The following PIK3R3 variants were observed in gnomAD, a reference collection of about 807,000 sequenced individuals.
PIK3R3 encodes the protein phosphatidylinositol 3-kinase regulatory subunit gamma.
A neutral mutation model predicts 62.9 loss-of-function variants in PIK3R3; 64 were observed. That is an observed-to-expected ratio of 1.02 (90% CI 0.83 to 1.25). The LOEUF (loss-of-function observed/expected upper bound fraction) is 1.25, where lower values mean the gene tolerates loss of function less well. Ranked by LOEUF, PIK3R3 falls within the 50% of genes most tolerant of loss-of-function variation. The pLI, the probability that PIK3R3 is intolerant of heterozygous loss-of-function variation, is 0.00. For synonymous variants in PIK3R3, 165 were observed against 189.0 expected (o/e 0.87, Z 1.04); for missense variants, 614 against 561.6 (o/e 1.09, Z -0.94).
At chr1:46,090,866 G>C (rs1416057225) in intron 1 of PIK3R3, among the ~76,000 whole-genome samples, 5 of 152,164 alleles carry the variant, frequency 3.3e-5, no homozygotes, top group African/African-American at 1.2e-4. Context: ...GCCACAGTGG[G>C]AGTATTTATA....
In PIK3R3 at chr1:46,131,846, C is replaced by G; in HGVS notation, c.106+1G>C. 6.2e-7 allele frequency: 1 copy of G among 1,610,678 alleles called. No homozygotes were observed. Among genetic ancestry groups the G allele is most frequent in the Non-Finnish European group, 8.5e-7 (1 of 1,177,406 alleles). Reference sequence around the variant, plus strand: ...ATTCTTTTTTTTTTTCTCCCAAGTACCTGGAGGATCCATTTCAATATAAAA... The same window carrying G: ...ATTCTTTTTTTTTTTCTCCCAAGTAGCTGGAGGATCCATTTCAATATAAAA... On this transcript the variant is annotated splice_donor_variant, in intron 1 of 9. Coordinates refer to ENST00000262741, the MANE Select transcript of PIK3R3 (RefSeq NM_003629.4). LOFTEE classifies it high-confidence loss of function.
At chr1:46,066,800 A>G in intron 4 of PIK3R3, 111 bp downstream of exon 4, 1 of 891,146 alleles carries the variant, frequency 1.1e-6, no homozygotes, top group Non-Finnish European at 1.8e-6. Flanking sequence ...GTAAATAAAT[A>G]AATAACAAAA....
Position 46,082,207 on chromosome 1 carries a change from G to A in PIK3R3, c.107-1457C>T, listed in dbSNP as rs1347834825. On this transcript the variant is annotated intron_variant, in intron 1 of 9. Coordinates refer to ENST00000262741, the MANE Select transcript of PIK3R3 (RefSeq NM_003629.4). The stretch of plus-strand genomic sequence containing the variant: ...GGCCCCAATACAATACACTAAAAAG[G>A]ATGTAACATCACTTCTGTGACATTC... 4.6e-5 allele frequency among the ~76,000 whole-genome samples: 7 copies of A among 152,082 alleles called. No individual in the cohort carries two copies. The East Asian group carries it at 9.6e-4, about 21-fold the overall frequency.
the PIK3R3 span, among the ~76,000 whole-genome samples, chr1:46,168,558 A>G: frequency 6.6e-6 from 1 of 152,222 alleles, no homozygotes; most frequent in Non-Finnish European, 1.5e-5. Flanking sequence ...CAGTGGCTGG[A>G]TTACCCAGCC....
At chr1:46,084,474 G>C (rs1026215023) in intron 1 of PIK3R3, among the ~76,000 whole-genome samples, 1 of 152,066 alleles carries the variant, frequency 6.6e-6, no homozygotes, top group Non-Finnish European at 1.5e-5. Context: ...TACCAGATGG[G>C]GGTGGATTTG....
chr1:46,053,722 T>G (rs1158521752), intron 7 of PIK3R3, among the ~76,000 whole-genome samples: 3 of 152,132 alleles, frequency 2.0e-5, no homozygotes, highest in Non-Finnish European at 4.4e-5. Flanking sequence ...ACTACCCAAT[T>G]TATGATTTTT....
chr1:46,134,263 C>T (rs921712283), upstream of PIK3R3, among the ~76,000 whole-genome samples: 30 of 152,170 alleles, frequency 2.0e-4, no homozygotes, highest in Non-Finnish European at 4.1e-4. Flanking sequence ...AGAGTTGCCA[C>T]GTTTCACCCT....
chr1:46,146,679 C>T, the PIK3R3 span, among the ~76,000 whole-genome samples: 1 of 141,654 alleles, frequency 7.1e-6, no homozygotes, highest in Non-Finnish European at 1.5e-5. Flanking sequence ...CCCCTCCCCT[C>T]CAACTCTACA....
chr1:46,128,993 C>T (rs898395782), intron 1 of PIK3R3, among the ~76,000 whole-genome samples: 2 of 151,910 alleles, frequency 1.3e-5, no homozygotes, highest in African/African-American at 4.8e-5. Flanking sequence ...ATCACTTGAA[C>T]TCAGGAGGCG....
intron 6 of PIK3R3, chr1:46,056,416 G>C (rs1341565715): frequency 1.3e-5 from 2 of 153,314 alleles, no homozygotes; most frequent in Admixed American, 6.5e-5. Flanking sequence ...TCCCATTTCT[G>C]GTATTAGCAC....
At chr1:46,130,664 A>C (rs1655504719) in intron 1 of PIK3R3, among the ~76,000 whole-genome samples, 1 of 152,206 alleles carries the variant, frequency 6.6e-6, no homozygotes, top group African/African-American at 2.4e-5. Context: ...TGCATGGCTC[A>C]AATCCTTTCA....
chr1:46,052,446 T>TA (rs1041658916), intron 7 of PIK3R3, among the ~76,000 whole-genome samples: 67 of 152,260 alleles, frequency 4.4e-4, no homozygotes, highest in Non-Finnish European at 9.3e-4. Flanking sequence ...AGGAATTTTT[T>TA]AAAAAATTGA....
At chr1:46,115,151 G>A (rs941215960) in intron 1 of PIK3R3, among the ~76,000 whole-genome samples, 1 of 151,972 alleles carries the variant, frequency 6.6e-6, no homozygotes, top group Admixed American at 6.6e-5. Context: ...GGGGAAGCCC[G>A]TTTGAGAAAA....
intron 5 of PIK3R3, among the ~76,000 whole-genome samples, chr1:46,062,790 T>TGGTTTC (rs963528186): frequency 3.3e-5 from 5 of 152,140 alleles, no homozygotes; most frequent in Admixed American, 1.3e-4. Context: ...GTTTTGGCTT[T>TGGTTTC]GGTTTCGGTT....
chr1:46,132,836 G>T (rs1655750641), upstream of PIK3R3: 1 of 1,213,194 alleles, frequency 8.2e-7, no homozygotes, highest in South Asian at 1.4e-5. Context: ...TCTCCATCTC[G>T]ACTTTCACGT....
Position 46,080,748 on chromosome 1 carries a change from G to A in PIK3R3, c.109C>T (p.Leu37Phe). 6.3e-7 allele frequency: 1 copy of A among 1,596,850 alleles called. No individual in the cohort carries two copies. The highest frequency in any genetic ancestry group is 8.6e-7 in the Non-Finnish European group (1 of 1,164,298). Residue 37 changes from leucine (L) to phenylalanine (F), a missense_variant and splice_region_variant, in exon 2 of 10, where the codon CTT (leucine) becomes TTT (phenylalanine). Leu to Phe is a conservative substitution (Grantham distance 22). Coordinates refer to ENST00000262741, the MANE Select transcript of PIK3R3 (RefSeq NM_003629.4). ...IFYIEMDPPA[L>F]PPKPPKPMTS... ...ATTGGCTTAGGTGGCTTTGGTGGAA[G>A]AGCTAGAAGAGAAATGAATATTACT...
At chr1:46,118,995 A>G (rs1391289252) in intron 1 of PIK3R3, among the ~76,000 whole-genome samples, 1 of 151,110 alleles carries the variant, frequency 6.6e-6, no homozygotes, top group Non-Finnish European at 1.5e-5. Context: ...CCATCCTCAC[A>G]CCTGTTATAT....
chr1:46,043,718 C>T lies in PIK3R3; in HGVS notation c.1341G>A (p.Arg447=). ...TCTGTGCATGAACAGGGTAGGCAAG[C>T]CTGACGTTGAGGGAGTCGTTGTGCT... ...LVQHNDSLNV[R]LAYPVHAQMP... Residue 447 remains arginine, a synonymous_variant, in exon 10 of 10, where the codon AGG becomes AGA. Transcript: ENST00000262741. The T allele has an allele frequency of 1.2e-6, 2 of 1,614,210 alleles. No homozygotes were observed. Among genetic ancestry groups the T allele is most frequent in the Non-Finnish European group, 1.7e-6 (2 of 1,180,028 alleles).
chr1:46,133,476 G>C (rs1315770008), upstream of PIK3R3, among the ~76,000 whole-genome samples: 1 of 152,202 alleles, frequency 6.6e-6, no homozygotes, highest in Non-Finnish European at 1.5e-5. Flanking sequence ...GTCCTTAGGA[G>C]GTCTCTGGGG....
Sources: gnomAD v4.1 joint callset for allele counts (sites outside exome capture counted in the v4.1 genomes callset) on GRCh38, gnomAD v4.1.1 for gene constraint, MANE v1.5 for transcripts, NCBI Gene and HGNC (gene_info 2026-07-23, HGNC 2026-07-21) for gene names.